Variants in APC observed in about 807,000 individuals in gnomAD.
The protein encoded by APC is APC regulator of Wnt signaling pathway.
APC carries 72 observed loss-of-function variants against 247.0 expected under a neutral mutation model. That is an observed-to-expected ratio of 0.29 (90% confidence interval 0.24 to 0.35). The LOEUF (loss-of-function observed/expected upper bound fraction) is 0.35. Among genes scored for constraint, APC ranks in the 10% least tolerant of loss-of-function variants. The probability of loss-of-function intolerance (pLI) is 1.00; values close to 1 mark genes in which losing one functional copy is unlikely to be tolerated. For synonymous variants in APC, 1,254 were observed against 1,162.5 expected, an observed-to-expected ratio of 1.08 and a Z score of -1.60; for missense variants, 3,400 against 3,360.7, an observed-to-expected ratio of 1.01 and a Z score of -0.29.
intron 1 of APC, among the ~76,000 whole-genome samples, chr5:112,746,086 T>C (rs1300550443): frequency 6.6e-6 from 1 of 152,100 alleles, no homozygotes; most frequent in Admixed American, 6.5e-5. Flanking sequence ...ATAAAGAATT[T>C]TTAAATGACA....
At chr5:112,820,096 G>T (rs501250) in intron 10 of APC, among the ~76,000 whole-genome samples, 1 of 151,624 alleles carries the variant, frequency 6.6e-6, no homozygotes, top group Non-Finnish European at 1.5e-5. Context: ...AGGACCTATG[G>T]GGATATAACT....
In APC at chr5:112,841,303, C is replaced by G. The variant is rs1371378897; in HGVS notation, c.5709C>G (p.Asn1903Lys). ...CCAGCCACACAGAACTAACCTCCAA[C>G]CAACAATCAGCTAATAAGACACAAG... ...KVTSHTELTS[N>K]QQSANKTQAI... The change falls in exon 16 of 16, where the codon AAC becomes AAG. Residue 1903 changes from asparagine (N) to lysine (K), a missense_variant. Around this residue, in one of 9 missense-constraint regions of APC, gnomAD observed 1,788 missense variants for 1,649.5 expected, o/e 1.08. Coordinates refer to ENST00000257430, the MANE Select transcript of APC (RefSeq NM_000038.6). The surrounding 1 kb of genome is among the most constrained non-coding windows in gnomAD (Gnocchi z 4.6). 1 of 1,613,980 alleles carries G rather than the reference C, an allele frequency of 6.2e-7. No individual in the cohort carries two copies. Among genetic ancestry groups the G allele is most frequent in the Middle Eastern group, 1.6e-4 (1 of 6,062 alleles).
At chr5:112,778,656 C>T (rs921284709) in intron 5 of APC, among the ~76,000 whole-genome samples, 1 of 148,290 alleles carries the variant, frequency 6.7e-6, no homozygotes, top group African/African-American at 2.5e-5. Context: ...AAGCGATTCT[C>T]CTGCCTCAGC....
chr5:112,807,559 A>G (rs1490194729), intron 8 of APC, among the ~76,000 whole-genome samples: 2 of 151,466 alleles, frequency 1.3e-5, no homozygotes, highest in African/African-American at 2.4e-5. Context: ...AAGCAACCTA[A>G]GCTTTTCTAT....
upstream of APC, among the ~76,000 whole-genome samples, chr5:112,734,793 G>GTT (rs71224873): frequency 1.9e-4 from 8 of 41,880 alleles, no homozygotes; most frequent in Admixed American, 3.6e-4. Context: ...GTGTGTGTGT[G>GTT]TTTTTTTTTT....
intron 2 of APC, among the ~76,000 whole-genome samples, chr5:112,764,336 T>G (rs1756029831): frequency 6.6e-6 from 1 of 151,642 alleles, no homozygotes; most frequent in Non-Finnish European, 1.5e-5. Context: ...ACTTGGGAAA[T>G]TATTTTCATA....
At chr5:112,775,288 T>G (rs1423806507) in intron 4 of APC, among the ~76,000 whole-genome samples, 2 of 152,210 alleles carry the variant, frequency 1.3e-5, no homozygotes, top group Non-Finnish European at 2.9e-5. Flanking sequence ...ATACTTTTTA[T>G]TCTTATATTA....
At chr5:112,763,603 A>T (rs1755916760) in intron 2 of APC, among the ~76,000 whole-genome samples, 1 of 152,178 alleles carries the variant, frequency 6.6e-6, no homozygotes, top group South Asian at 2.1e-4. Flanking sequence ...ATGTCCAATG[A>T]TGTACGAAGG....
Position 112,838,713 on chromosome 5 carries a change from G to A in APC, c.3119G>A (p.Arg1040Lys), listed in dbSNP as rs1178716584. The change falls in exon 16 of 16, where the codon AGG (arginine) becomes AAG (lysine). Residue 1040 changes from arginine to lysine, a missense_variant. This residue lies in a region of APC where 715 missense variants were observed against 656.6 expected (regional missense o/e 1.09). Coordinates refer to ENST00000257430, the MANE Select transcript of APC (RefSeq NM_000038.6). ...KYSDEQLNSG[R>K]QSPSQNERWA... is the part of the protein sequence containing the mutation. ...TCAGATGAGCAGTTGAACTCTGGAA[G>A]GCAAAGTCCTTCACAGAATGAAAGA... The A allele has an allele frequency of 6.2e-7, 1 of 1,613,978 alleles. No homozygotes were observed.
rs1277706594 is a variant in APC at position 112,839,919 on chromosome 5, C to G, written c.4325C>G (p.Pro1442Arg). Reference sequence around the variant, plus strand: ...AGCAGAAGTAAAACACCTCCACCACCTCCTCAAACAGCTCAAACCAAGCGA... The same window carrying G: ...AGCAGAAGTAAAACACCTCCACCACGTCCTCAAACAGCTCAAACCAAGCGA... The part of the protein sequence containing the change: ...PPSRSKTPPP[P>R]PQTAQTKREV... The change falls in exon 16 of 16, where the codon CCT becomes CGT. Residue 1442 changes from proline to arginine, a missense_variant. Physicochemically the swap from Pro to Arg is moderately radical, Grantham distance 103. This residue lies in a region of APC where 1,788 missense variants were observed against 1,649.5 expected (regional missense o/e 1.08). Transcript: ENST00000257430. The surrounding 1 kb of genome is among the most constrained non-coding windows in gnomAD (Gnocchi z 5.0). The G allele has an allele frequency of 6.2e-7, 1 of 1,614,076 alleles. No homozygotes were observed. The highest frequency in any genetic ancestry group is 1.1e-5 in the South Asian group (1 of 91,068).
intron 6 of APC, among the ~76,000 whole-genome samples, chr5:112,788,829 C>T (rs543901359): frequency 3.9e-5 from 6 of 152,080 alleles, no homozygotes; most frequent in Non-Finnish European, 5.9e-5. Flanking sequence ...ATATCATCGC[C>T]GGTTTAAGAT....
rs376833313 is a variant in APC, at chr5:112,750,165, G to C, written c.-18-4708G>C. ...TTTAGTAGAGATCGGGTTTCACCAT[G>C]TTGGCCAGACTGGTCTTGAACTCCT... On this transcript the variant is annotated intron_variant, in intron 1 of 15. Coordinates refer to ENST00000257430, the MANE Select transcript of APC (RefSeq NM_000038.6). Among the ~76,000 whole-genome samples the C allele has an allele frequency of 1.1e-4, 17 of 151,964 alleles. No individual in the cohort carries two copies. The East Asian group carries it at 1.8e-3, about 16-fold the overall frequency.
Position 112,840,609 on chromosome 5 carries a change from GAGA to G in APC, c.5018_5020del (p.Glu1673del). Reference sequence around the variant, plus strand: ...TCCCCTCCAAATGAGTTAGCTGCTGGAGAAGGAGTTAGAGGAGGGGCACAGTCA... The same window carrying G: ...TCCCCTCCAAATGAGTTAGCTGCTGGAGGAGTTAGAGGAGGGGCACAGTCA... On this transcript the variant is annotated inframe_deletion, in exon 16 of 16. Transcript: ENST00000257430. The surrounding 1 kb of genome is among the most constrained non-coding windows in gnomAD (Gnocchi z 4.1). 1 of 1,614,140 alleles carries G rather than the reference GAGA, an allele frequency of 6.2e-7. No homozygotes were observed. The highest frequency in any genetic ancestry group is 8.5e-7 in the Non-Finnish European group (1 of 1,180,012).
chr5:112,794,371 C>G (rs1335666498), intron 7 of APC, among the ~76,000 whole-genome samples: 1 of 152,174 alleles, frequency 6.6e-6, no homozygotes, highest in Non-Finnish European at 1.5e-5. Context: ...TGAGCCACTG[C>G]GCCTGACCCC....
intron 10 of APC, among the ~76,000 whole-genome samples, 193 bp downstream of exon 10, chr5:112,819,537 T>G (rs906468501): frequency 2.0e-5 from 3 of 152,188 alleles, no homozygotes; most frequent in African/African-American, 4.8e-5. Context: ...GAAAATGTTA[T>G]GTGCACTACT....
At chr5:112,773,336 A>T (rs559858927) in intron 4 of APC, among the ~76,000 whole-genome samples, 10 of 152,282 alleles carry the variant, frequency 6.6e-5, no homozygotes, top group Admixed American at 4.6e-4. Context: ...TCTCTGTATG[A>T]CCAAACTCCA....
chr5:112,838,235 T>C lies in APC; in HGVS notation c.2641T>C (p.Ser881Pro), dbSNP rs905341123. ...TTCTTCAAAGCGAGGTTTGCAGATC[T>C]CCACCACTGCAGCCCAGATTGCCAA... ...GTSSKRGLQI[S>P]TTAAQIAKVM... is the part of the protein sequence containing the mutation. Residue 881 changes from serine to proline, a missense_variant, in exon 16 of 16, where the codon TCC (serine) becomes CCC (proline). Transcript: ENST00000257430. 1 of 1,614,170 alleles carries C rather than the reference T, an allele frequency of 6.2e-7. No individual in the cohort carries two copies. The highest frequency in any genetic ancestry group is 1.7e-5 in the Admixed American group (1 of 60,020).
At position 112,793,099 on chromosome 5, in the gene APC, A is replaced by T. The variant is rs1289633160; in HGVS notation, c.729+570A>T. ...GTGAGAGTAAAAAAGGGTTAAAAGC[A>T]GGAAGATATTTGAAAATCTGTTAAG... On this transcript the variant is annotated intron_variant, in intron 7 of 15. Coordinates refer to ENST00000257430, the MANE Select transcript of APC (RefSeq NM_000038.6). Among the ~76,000 whole-genome samples the T allele has an allele frequency of 3.9e-5, 6 of 152,116 alleles. 1 individual carries two copies. The East Asian group carries it at 1.2e-3, about 29-fold the overall frequency.
At chr5:112,769,428 C>G (rs1281783941) in intron 4 of APC, among the ~76,000 whole-genome samples, 1 of 152,132 alleles carries the variant, frequency 6.6e-6, no homozygotes, top group Non-Finnish European at 1.5e-5. Context: ...TCTGATTTTT[C>G]ACAGCTAGTG....
Sources: gnomAD v4.1 joint callset for allele counts (sites outside exome capture counted in the v4.1 genomes callset) on GRCh38, gnomAD v4.1.1 for gene constraint, gnomAD v4.1.1 regional missense constraint, Gnocchi (gnomAD v3.1) non-coding constraint, MANE v1.5 for transcripts, NCBI Gene and HGNC (gene_info 2026-07-23, HGNC 2026-07-21) for gene names.